COL23A1: variants seen among roughly 807,000 people sequenced by gnomAD.
The protein encoded by COL23A1 is collagen type XXIII alpha 1 chain, also known as collagen alpha-1(XXIII) chain.
Under a neutral mutation model 99.3 loss-of-function variants are expected in COL23A1, and 97 were observed. The ratio of observed to expected loss-of-function variants is 0.98; its 90% CI spans 0.83 to 1.16. The LOEUF is 1.16. Ranked by LOEUF, COL23A1 falls within the 50% of genes most tolerant of loss-of-function variation. COL23A1 has a pLI of 0.00. For synonymous variants in COL23A1, 320 were observed against 308.2 expected (o/e 1.04, Z -0.40); for missense variants, 762 against 757.4 (o/e 1.01, Z -0.07).
chr5:178,254,763 T>C (rs1432069121), intron 16 of COL23A1, among the ~76,000 whole-genome samples, 186 bp downstream of exon 16: 1 of 152,134 alleles, frequency 6.6e-6, no homozygotes, highest in Non-Finnish European at 1.5e-5. Context: ...TCACAGGGGC[T>C]CTCTGAGGCG....
chr5:178,278,120 G>A (rs1049013156), intron 5 of COL23A1, among the ~76,000 whole-genome samples: 1 of 152,206 alleles, frequency 6.6e-6, no homozygotes, highest in South Asian at 2.1e-4. Context: ...AAGGGTGACC[G>A]CCACAGCGTG....
intron 2 of COL23A1, among the ~76,000 whole-genome samples, chr5:178,372,928 TTC>T (rs1762876446): frequency 3.4e-5 from 2 of 58,770 alleles, no homozygotes; most frequent in Non-Finnish European, 5.8e-5. Context: ...CTCTTTTTCT[TTC>T]TTTTTTTTTT....
chr5:178,526,049 C>T (rs1232972234), intron 2 of COL23A1, among the ~76,000 whole-genome samples: 6 of 152,358 alleles, frequency 3.9e-5, no homozygotes, highest in Admixed American at 2.6e-4. Flanking sequence ...CGAGTGTCCT[C>T]GGAGTGCTGG....
chr5:178,336,271 C>T (rs2127653785), intron 2 of COL23A1, among the ~76,000 whole-genome samples: 1 of 152,324 alleles, frequency 6.6e-6, no homozygotes, highest in South Asian at 2.1e-4. Context: ...AGTGTTCAAA[C>T]AAGTACTTGT....
intron 2 of COL23A1, among the ~76,000 whole-genome samples, chr5:178,356,355 A>G (rs912358179): frequency 6.7e-6 from 1 of 148,676 alleles, no homozygotes; most frequent in South Asian, 2.2e-4. Flanking sequence ...CGGTCTGTGA[A>G]CTGTATATCA....
At chr5:178,504,227 C>T (rs985276782) in intron 2 of COL23A1, among the ~76,000 whole-genome samples, 1 of 152,012 alleles carries the variant, frequency 6.6e-6, no homozygotes, top group South Asian at 2.1e-4. Flanking sequence ...TATTCTCAGG[C>T]GGGGACAGGA....
At chr5:178,417,492 A>T (rs1181059909) in intron 2 of COL23A1, among the ~76,000 whole-genome samples, 1 of 152,106 alleles carries the variant, frequency 6.6e-6, no homozygotes, top group African/African-American at 2.4e-5. Context: ...CGCCCGCAAC[A>T]TTCTGGATTC....
At chr5:178,324,433 G>A (rs1228438326) in intron 2 of COL23A1, among the ~76,000 whole-genome samples, 2 of 152,162 alleles carry the variant, frequency 1.3e-5, no homozygotes, top group African/African-American at 4.8e-5. Flanking sequence ...AAAAACCAGG[G>A]AGACCCATTC....
chr5:178,247,434 C>T (rs1023433924), intron 22 of COL23A1, 92 bp downstream of exon 22: 276 of 1,418,118 alleles, frequency 1.9e-4, no homozygotes, highest in Non-Finnish European at 2.3e-4. Context: ...CAGGGCGGAG[C>T]GTCAGGCCCT....
intron 16 of COL23A1, among the ~76,000 whole-genome samples, chr5:178,253,623 C>T (rs958007115): frequency 1.3e-5 from 2 of 152,020 alleles, no homozygotes; most frequent in African/African-American, 4.8e-5. Flanking sequence ...GCTGAGACTA[C>T]AGGCGCGCAC....
intron 2 of COL23A1, among the ~76,000 whole-genome samples, chr5:178,402,895 C>A (rs1337221322): frequency 2.7e-5 from 4 of 148,770 alleles, no homozygotes; most frequent in African/African-American, 7.4e-5. Context: ...GAGAAATGTT[C>A]CATGAATTCT....
chr5:178,496,645 A>T (rs1426960633), intron 2 of COL23A1, among the ~76,000 whole-genome samples: 1 of 152,236 alleles, frequency 6.6e-6, no homozygotes, highest in African/African-American at 2.4e-5. Context: ...TACTATAGAC[A>T]TACAAGTAGA....
intron 10 of COL23A1, among the ~76,000 whole-genome samples, 196 bp from the exon 11 acceptor site, chr5:178,261,944 C>CA (rs1765647659): frequency 6.6e-6 from 1 of 152,198 alleles, no homozygotes; most frequent in African/African-American, 2.4e-5. Flanking sequence ...CATTAGGGCT[C>CA]AGGTGGTGGC....
intron 2 of COL23A1, among the ~76,000 whole-genome samples, chr5:178,403,130 A>AAAAAAAAAAAC (rs1764555795): frequency 8.4e-6 from 1 of 118,358 alleles, no homozygotes; most frequent in Admixed American, 9.9e-5. Flanking sequence ...AAATAAATAA[A>AAAAAAAAAAAC]TAAAAAATAA....
rs1765263634 is a variant in COL23A1, at chr5:178,255,690, C to G, written c.882+663G>C. On this transcript the variant is annotated intron_variant, in intron 15 of 28. Coordinates refer to ENST00000390654, the MANE Select transcript of COL23A1 (RefSeq NM_173465.4). The surrounding 1 kb of genome is among the most constrained non-coding windows in gnomAD (Gnocchi z 4.2). ...TGCAGGCTGGAGACCCTTGCTTGGG[C>G]CTCATTTGCCAGCCCTCCCCCGTCC... 1 of 211,216 alleles carries G rather than the reference C, an allele frequency of 4.7e-6. No homozygotes were observed. Among genetic ancestry groups the G allele is most frequent in the African/African-American group, 2.4e-5 (1 of 42,294 alleles). The allele number at this position is 211,216 out of a possible 1,614,324, so 13.1% of individuals were successfully genotyped here. A position where few individuals can be genotyped will look rare whatever the true frequency, so the allele number is the denominator to read the frequency against.
At chr5:178,418,635 C>A (rs977803082) in intron 2 of COL23A1, among the ~76,000 whole-genome samples, 1 of 152,256 alleles carries the variant, frequency 6.6e-6, no homozygotes, top group African/African-American at 2.4e-5. Flanking sequence ...AGCCTCCCAG[C>A]CCCACAGTGA....
chr5:178,547,215 AC>A (rs1273097118), intron 2 of COL23A1, among the ~76,000 whole-genome samples: 1 of 151,890 alleles, frequency 6.6e-6, no homozygotes, highest in Non-Finnish European at 1.5e-5. Context: ...TCACGCCAGC[AC>A]CGAGCTAAAT....
At chr5:178,585,842 G>C (rs1763971345) in intron 1 of COL23A1, among the ~76,000 whole-genome samples, 1 of 146,420 alleles carries the variant, frequency 6.8e-6, no homozygotes, top group Admixed American at 7.0e-5. Context: ...CAGGGGATGA[G>C]TCAAGATTGG....
chr5:178,520,856 C>T (rs1001221866), intron 2 of COL23A1, among the ~76,000 whole-genome samples: 11 of 152,198 alleles, frequency 7.2e-5, no homozygotes, highest in African/African-American at 2.4e-4. Flanking sequence ...GTTGTCCAGA[C>T]GGTATTAGGA....
Sources: allele counts gnomAD v4.1 joint callset (sites outside exome capture counted in the v4.1 genomes callset), GRCh38; gene constraint gnomAD v4.1.1; non-coding constraint Gnocchi (gnomAD v3.1); transcripts MANE v1.5; gene names NCBI Gene and HGNC (gene_info 2026-07-23, HGNC 2026-07-21).